The following ZFHX3 variants were observed in gnomAD, a reference collection of about 807,000 sequenced individuals.
ZFHX3 encodes the protein zinc finger homeobox protein 3.
ZFHX3 carries 42 observed loss-of-function variants against 279.1 expected under a neutral mutation model. The ratio of observed to expected loss-of-function variants is 0.15; its 90% CI spans 0.12 to 0.19. The LOEUF (loss-of-function observed/expected upper bound fraction) is 0.19. ZFHX3 is among the 10% of genes least tolerant of loss of function. The pLI is 1.00. For synonymous variants in ZFHX3, 2,293 were observed against 1,957.8 expected (o/e 1.17, Z -4.52); for missense variants, 4,981 against 4,754.0 (o/e 1.05, Z -1.40).
At chr16:73,762,310 G>A (rs915800940) in intron 1 of ZFHX3, among the ~76,000 whole-genome samples, 43 of 152,038 alleles carry the variant, frequency 2.8e-4, no homozygotes, top group African/African-American at 8.9e-4. Context: ...TCAGAATGGC[G>A]ATTATTAAAA....
intron 2 of ZFHX3, among the ~76,000 whole-genome samples, chr16:73,505,762 C>G (rs1407126069): frequency 6.6e-6 from 1 of 152,206 alleles, no homozygotes; most frequent in African/African-American, 2.4e-5. Context: ...GTAAGACTGT[C>G]CTGCCTGCCT....
chr16:73,673,731 C>G (rs1216975197), intron 2 of ZFHX3, among the ~76,000 whole-genome samples: 2 of 152,144 alleles, frequency 1.3e-5, no homozygotes, highest in East Asian at 3.8e-4. Context: ...CTGAGCTGGA[C>G]TTGGGGCAGA....
intron 2 of ZFHX3, among the ~76,000 whole-genome samples, chr16:73,603,146 G>A (rs973501261): frequency 1.3e-5 from 2 of 151,636 alleles, no homozygotes; most frequent in Admixed American, 6.6e-5. Context: ...TTAGCCGGGC[G>A]CAGTGGCGGG....
intron 8 of ZFHX3, among the ~76,000 whole-genome samples, chr16:73,088,417 T>C (rs951247790): frequency 3.9e-5 from 6 of 152,198 alleles, no homozygotes; most frequent in Non-Finnish European, 8.8e-5. Context: ...TCTCTCAAAG[T>C]GCTGAAATAC....
At chr16:73,375,701 A>G (rs993982618) in intron 3 of ZFHX3, among the ~76,000 whole-genome samples, 3 of 152,234 alleles carry the variant, frequency 2.0e-5, no homozygotes, top group Non-Finnish European at 4.4e-5. Flanking sequence ...AAAAATCTCA[A>G]TTATCCATGA....
intron 3 of ZFHX3, among the ~76,000 whole-genome samples, chr16:73,427,605 C>A (rs1316389641): frequency 6.6e-6 from 1 of 152,132 alleles, no homozygotes; most frequent in African/African-American, 2.4e-5. Flanking sequence ...ACAAATCCAG[C>A]CCTACCAGCA....
chr16:73,693,174 T>A (rs2053165134), intron 1 of ZFHX3, among the ~76,000 whole-genome samples: 1 of 152,180 alleles, frequency 6.6e-6, no homozygotes, highest in African/African-American at 2.4e-5. Context: ...CAGCTTATAA[T>A]AAATAGCATT....
intron 2 of ZFHX3, among the ~76,000 whole-genome samples, chr16:73,478,264 CAAAAAAA>C (rs1162656010): frequency 1.3e-4 from 8 of 61,594 alleles, no homozygotes; most frequent in African/African-American, 3.0e-4. Flanking sequence ...GACTCCATCT[CAAAAAAA>C]AAAAAAAAAA....
chr16:73,691,599 T>C (rs1344463251), intron 1 of ZFHX3, among the ~76,000 whole-genome samples: 1 of 152,218 alleles, frequency 6.6e-6, no homozygotes. Flanking sequence ...ATAATCGATA[T>C]CATATAATCT....
intron 2 of ZFHX3, among the ~76,000 whole-genome samples, chr16:73,541,882 A>G (rs183866386): frequency 7.1e-6 from 1 of 140,874 alleles, no homozygotes; most frequent in Admixed American, 7.9e-5. Context: ...GTTCACCGCA[A>G]CCTCTGCCTC....
intron 3 of ZFHX3, among the ~76,000 whole-genome samples, chr16:72,931,833 A>G (rs1959826618): frequency 6.6e-6 from 1 of 152,208 alleles, no homozygotes; most frequent in African/African-American, 2.4e-5. Context: ...AGGGTATGTG[A>G]GCTTTGCAAC....
intron 3 of ZFHX3, among the ~76,000 whole-genome samples, chr16:73,335,574 G>A (rs903949219): frequency 9.9e-5 from 15 of 152,092 alleles, no homozygotes; most frequent in African/African-American, 2.2e-4. Flanking sequence ...TCTACTGTTC[G>A]TTGCCAATGA....
rs566835588 is a variant in ZFHX3 at position 73,132,456 on chromosome 16, T to A, written c.-1023-1362A>T. Among the ~76,000 whole-genome samples the A allele has an allele frequency of 1.6e-4, 24 of 152,272 alleles. 1 individual carries two copies. The highest frequency in any genetic ancestry group is 5.5e-4 in the African/African-American group (23 of 41,544). On this transcript the variant is annotated intron_variant, in intron 6 of 17. Coordinates refer to the ZFHX3 transcript ENST00000641206. ...GGGAGCCTCGTGGATGAAGGTATTA[T>A]GATAGCAGGTTTCAGGAACACGCCG... is the stretch of plus-strand genomic sequence containing the variant.
chr16:73,815,347 C>T (rs930713579), intron 1 of ZFHX3, among the ~76,000 whole-genome samples: 2 of 152,162 alleles, frequency 1.3e-5, no homozygotes, highest in Non-Finnish European at 2.9e-5. Context: ...CACATCTATA[C>T]TTAGTGTAAA....
intron 4 of ZFHX3, among the ~76,000 whole-genome samples, chr16:73,264,561 A>T (rs1478144332): frequency 6.6e-6 from 1 of 152,088 alleles, no homozygotes; most frequent in Non-Finnish European, 1.5e-5. Context: ...ACATGGACAA[A>T]GGAACAACCG....
intron 5 of ZFHX3, among the ~76,000 whole-genome samples, chr16:72,825,222 T>C (rs1459997387): frequency 5.9e-5 from 9 of 152,238 alleles, no homozygotes. Context: ...GCTTTCAGAC[T>C]GAGCACAACG....
chr16:73,504,521 A>T (rs992903729), intron 2 of ZFHX3: 1 of 152,320 alleles, frequency 6.6e-6, no homozygotes, highest in Non-Finnish European at 1.5e-5. Context: ...GAAGTAGACA[A>T]TTATCAAAGG....
chr16:73,140,536 C>A (rs1328449619), intron 6 of ZFHX3, among the ~76,000 whole-genome samples: 1 of 152,146 alleles, frequency 6.6e-6, no homozygotes, highest in Non-Finnish European at 1.5e-5. Flanking sequence ...GTTAACCTGA[C>A]TAGGTCTCAA....
At chr16:73,406,565 T>C (rs1258915254) in intron 3 of ZFHX3, among the ~76,000 whole-genome samples, 1 of 152,230 alleles carries the variant, frequency 6.6e-6, no homozygotes, top group Non-Finnish European at 1.5e-5. Flanking sequence ...TCGTATGGAA[T>C]GCTATAAATT....
Sources: allele counts gnomAD v4.1 joint callset (sites outside exome capture counted in the v4.1 genomes callset), GRCh38; gene constraint gnomAD v4.1.1; transcripts MANE v1.5; gene names NCBI Gene and HGNC (gene_info 2026-07-23, HGNC 2026-07-21).